B4GALNT1: variants seen among roughly 807,000 people sequenced by gnomAD.
B4GALNT1 encodes beta-1,4 N-acetylgalactosaminyltransferase 1.
Under a neutral mutation model 55.2 loss-of-function variants are expected in B4GALNT1, and 43 were observed. The ratio of observed to expected loss-of-function variants is 0.78; its 90% CI spans 0.61 to 1.00. The LOEUF (loss-of-function observed/expected upper bound fraction) is 1.00, where lower values mean the gene tolerates loss of function less well. Among genes scored for constraint, B4GALNT1 ranks in the 50% least tolerant of loss-of-function variants. The probability of loss-of-function intolerance (pLI) is 0.00; values close to 1 mark genes in which losing one functional copy is unlikely to be tolerated. For synonymous variants in B4GALNT1, 305 were observed against 311.6 expected (o/e 0.98, Z 0.22); for missense variants, 664 against 729.7 (o/e 0.91, Z 1.04).
intron 9 of B4GALNT1, 68 bp from the exon 10 acceptor site, chr12:57,627,926 G>A (rs1473780019): frequency 6.7e-7 from 1 of 1,482,956 alleles, no homozygotes; most frequent in Admixed American, 2.2e-5. Flanking sequence ...CAAGGTCTGC[G>A]CTCCGGTGCC....
At position 57,627,605 on chromosome 12, in the gene B4GALNT1, G is replaced by A. The variant is rs199661726; in HGVS notation, c.1384+13C>T. ...GCTCCTGCCAGGGTCGACCGGGAGG[G>A]GGTGCCACTCACCCAGATGAGCCAC... On this transcript the variant is annotated intron_variant, in intron 10 of 10. Coordinates refer to ENST00000341156, the MANE Select transcript of B4GALNT1 (RefSeq NM_001478.5). The A allele has an allele frequency of 2.5e-6, 4 of 1,572,772 alleles. No individual in the cohort carries two copies. The Admixed American group carries it at 5.2e-5, about 20-fold the overall frequency.
chr12:57,626,539 C>G lies in B4GALNT1; in HGVS notation c.*205G>C, dbSNP rs1322517255. The G allele has an allele frequency of 3.3e-6, 2 of 608,170 alleles. No individual in the cohort carries two copies. Among genetic ancestry groups the G allele is most frequent in the Non-Finnish European group, 5.8e-6 (2 of 346,500 alleles). 37.7% of individuals were successfully genotyped at this position (608,170 alleles called of 1,614,324 possible). On this transcript the variant is annotated 3_prime_UTR_variant, in exon 11 of 11. Transcript: ENST00000341156. ...ACTGGCTGTGGGAGAGGTTATGGCT[C>G]CACCAGGCCTCTGGGCACTGGAAAA...
chr12:57,630,053 C>T lies in B4GALNT1; in HGVS notation c.712+99G>A, dbSNP rs1271368217. 4 of 1,599,130 alleles carry T rather than the reference C, an allele frequency of 2.5e-6. No individual in the cohort carries two copies. In the Admixed American group the frequency reaches 6.9e-5, roughly 28 times the overall value. On this transcript the variant is annotated intron_variant, in intron 6 of 10. Transcript: ENST00000341156. The stretch of plus-strand genomic sequence containing the variant: ...TGTGGCTGGACAGCTCTGGCCATAG[C>T]CCAGATGCCTCCCATGCCCTCTGCC...
At chr12:57,628,028 T>C in intron 9 of B4GALNT1, 94 bp downstream of exon 9, 1 of 1,553,824 alleles carries the variant, frequency 6.4e-7, no homozygotes, top group African/African-American at 1.4e-5. Flanking sequence ...CTCTTTGTCC[T>C]AGGGCTGGCC....
chr12:57,625,163 TG>T lies in B4GALNT1; in HGVS notation c.*1580del. The T allele has an allele frequency of 2.5e-6, 4 of 1,613,914 alleles. No homozygotes were observed. The highest frequency in any genetic ancestry group is 3.4e-6 in the Non-Finnish European group (4 of 1,179,966). Reference sequence around the variant, plus strand: ...GATGGCCCAATGGTTGCAGGTGAGATGGGGTGACAAGAAGGAAGATTTGGGC... The same window carrying T: ...GATGGCCCAATGGTTGCAGGTGAGATGGGTGACAAGAAGGAAGATTTGGGC... On this transcript the variant is annotated 3_prime_UTR_variant, in exon 11 of 11. Coordinates refer to ENST00000341156, the MANE Select transcript of B4GALNT1 (RefSeq NM_001478.5).
chr12:57,631,978 G>C lies in B4GALNT1; in HGVS notation c.155C>G (p.Pro52Arg), dbSNP rs977760366. The C allele has an allele frequency of 1.4e-6, 2 of 1,456,502 alleles. No individual in the cohort carries two copies. The highest frequency in any genetic ancestry group is 1.5e-5 in the African/African-American group (1 of 68,942). The allele number at this position is 1,456,502 out of a possible 1,614,324, so 90.2% of individuals were successfully genotyped here. ...PPQSPRRPEL[P>R]DLAPEPRYAH... The stretch of plus-strand genomic sequence containing the variant: ...GTAGCGGGGCTCAGGAGCAAGATCT[G>C]GCAGCTCGGGCCTGCGGGGGCTTTG... The change falls in exon 2 of 11, where the codon CCA becomes CGA. Residue 52 changes from proline (P) to arginine (R), a missense_variant. Transcript: ENST00000341156.
chr12:57,627,531 G>A, intron 10 of B4GALNT1, 87 bp downstream of exon 10: 1 of 1,469,866 alleles, frequency 6.8e-7, no homozygotes, highest in African/African-American at 1.4e-5. Flanking sequence ...CTGGGCGCGG[G>A]TGCAGCCTAG....
chr12:57,625,668 G>A lies in B4GALNT1; in HGVS notation c.*1076C>T. On this transcript the variant is annotated 3_prime_UTR_variant, in exon 11 of 11. Coordinates refer to ENST00000341156, the MANE Select transcript of B4GALNT1 (RefSeq NM_001478.5). ...GTTTGTGAGTGTGCAGGATGCAGCT[G>A]CTTATGCCCTGGGGAGCCTGTTAAG... The A allele has an allele frequency of 1.3e-6, 2 of 1,586,280 alleles. No homozygotes were observed. The highest frequency in any genetic ancestry group is 8.6e-7 in the Non-Finnish European group (1 of 1,166,254).
chr12:57,628,219 G>A lies in B4GALNT1; in HGVS notation c.1046C>T (p.Thr349Ile). Residue 349 changes from threonine (T) to isoleucine (I), a missense_variant, in exon 9 of 11, where the codon ACC becomes ATC. Thr to Ile is a moderately conservative substitution (Grantham distance 89, BLOSUM62 -1). Transcript: ENST00000341156. Reference protein sequence around the residue: ...GRNLAVSQVTTKYVLWVDDDF... With the variant: ...GRNLAVSQVTIKYVLWVDDDF... The stretch of plus-strand genomic sequence containing the variant: ...GTCGTCCACCCACAGCACGTACTTG[G>A]TGGTTACTTGAGACACGGCCAGGTT... 1 of 1,614,274 alleles carries A rather than the reference G, an allele frequency of 6.2e-7. No individual in the cohort carries two copies. The highest frequency in any genetic ancestry group is 8.5e-7 in the Non-Finnish European group (1 of 1,180,046).
At position 57,628,190 on chromosome 12, in the gene B4GALNT1, A is replaced by C; in HGVS notation, c.1075T>G (p.Phe359Val). 1 of 1,614,274 alleles carries C rather than the reference A, an allele frequency of 6.2e-7. No individual in the cohort carries two copies. Among genetic ancestry groups the C allele is most frequent in the Non-Finnish European group, 8.5e-7 (1 of 1,180,044 alleles). Reference sequence around the variant, plus strand: ...AGCCGCGTCCGCGCCGTGAAGACGAAGTCGTCGTCCACCCACAGCACGTAC... The same window carrying C: ...AGCCGCGTCCGCGCCGTGAAGACGACGTCGTCGTCCACCCACAGCACGTAC... ...TKYVLWVDDD[F>V]VFTARTRLER... The change falls in exon 9 of 11, where the codon TTC becomes GTC. Residue 359 changes from phenylalanine (F) to valine (V), a missense_variant. Transcript: ENST00000341156.
Position 57,631,945 on chromosome 12 carries a change from A to G in B4GALNT1, c.188T>C (p.Ile63Thr). The G allele has an allele frequency of 6.9e-7, 1 of 1,447,322 alleles. No individual in the cohort carries two copies. The highest frequency in any genetic ancestry group is 9.1e-7 in the Non-Finnish European group (1 of 1,099,890). The allele number at this position is 1,447,322 out of a possible 1,614,324, so 89.7% of individuals were successfully genotyped here. A position where few individuals can be genotyped will look rare whatever the true frequency, so the allele number is the denominator to read the frequency against. The change falls in exon 2 of 11, where the codon ATC becomes ACC. Residue 63 changes from isoleucine (I) to threonine (T), a missense_variant. By Grantham distance (89) the Ile-to-Thr change is moderately conservative. Transcript: ENST00000341156. ...DLAPEPRYAH[I>T]PVRIKEQVVG... is the part of the protein sequence containing the mutation. ...TACTTGCTCCTTGATCCTGACCGGG[A>G]TGTGTGCGTAGCGGGGCTCAGGAGC... is the stretch of plus-strand genomic sequence containing the variant.
rs907866903 is a variant in B4GALNT1, at chr12:57,632,757, C to T, written c.-2+15G>A. On this transcript the variant is annotated intron_variant, in intron 1 of 10. Coordinates refer to ENST00000341156, the MANE Select transcript of B4GALNT1 (RefSeq NM_001478.5). ...CACCAACCAATCCCACCCCCACCCACCCCCGGGCACTGACCTGTCTAACGC... is the reference window on the plus strand; with the variant it reads ...CACCAACCAATCCCACCCCCACCCATCCCCGGGCACTGACCTGTCTAACGC... 5.8e-6 allele frequency: 1 copy of T among 173,372 alleles called. No homozygotes were observed. The highest frequency in any genetic ancestry group is 1.2e-5 in the Non-Finnish European group (1 of 81,728). The allele number at this position is 173,372 out of a possible 1,614,324, so 10.7% of individuals were successfully genotyped here.
chr12:57,623,770 G>T lies in B4GALNT1; in HGVS notation c.*2974C>A. 7.1e-7 allele frequency: 1 copy of T among 1,409,808 alleles called. No homozygotes were observed. Among genetic ancestry groups the T allele is most frequent in the South Asian group, 1.2e-5 (1 of 81,820 alleles). The allele number at this position is 1,409,808 out of a possible 1,614,324, so 87.3% of individuals were successfully genotyped here. On this transcript the variant is annotated 3_prime_UTR_variant, in exon 11 of 11. Transcript: ENST00000341156. ...GAAGATTAGGCAGAGTGGGCAGGAA[G>T]ACCAGCTCTCATGTGGGGGTGGGAG...
In B4GALNT1 at chr12:57,628,171, G is replaced by C. The variant is rs145474220; in HGVS notation, c.1094C>G (p.Thr365Arg). 8.1e-6 allele frequency: 13 copies of C among 1,614,124 alleles called. No individual in the cohort carries two copies. Among genetic ancestry groups the C allele is most frequent in the African/African-American group, 1.3e-5 (1 of 74,954 alleles). The change falls in exon 9 of 11, where the codon ACG becomes AGG. Residue 365 changes from threonine to arginine, a missense_variant. Thr to Arg is a moderately conservative substitution (Grantham distance 71). Transcript: ENST00000341156. ...CACGTCCACAAGCCTCTCCAGCCGCGTCCGCGCCGTGAAGACGAAGTCGTC... is the reference window on the plus strand; with the variant it reads ...CACGTCCACAAGCCTCTCCAGCCGCCTCCGCGCCGTGAAGACGAAGTCGTC... ...VDDDFVFTARTRLERLVDVLE... is the reference protein window; with the variant it reads ...VDDDFVFTARRRLERLVDVLE...
chr12:57,628,412 T>C (rs1182495592), intron 8 of B4GALNT1, 150 bp from the exon 9 acceptor site: 4 of 1,189,770 alleles, frequency 3.4e-6, no homozygotes, highest in Admixed American at 2.6e-5. Context: ...GTAAAAGAAA[T>C]GCAGATCCCC....
chr12:57,628,322 CCTTT>C, intron 8 of B4GALNT1, 60 bp from the exon 9 acceptor site: 19 of 1,603,382 alleles, frequency 1.2e-5, no homozygotes, highest in Non-Finnish European at 1.6e-5. Flanking sequence ...CCCTCTGCCA[CCTTT>C]CTTTCTCTCC....
chr12:57,628,541 G>T, intron 8 of B4GALNT1, 172 bp downstream of exon 8: 1 of 897,138 alleles, frequency 1.1e-6, no homozygotes, highest in Non-Finnish European at 1.7e-6. Flanking sequence ...TAAGAATTCA[G>T]AGAGAATTTC....
In B4GALNT1 at chr12:57,629,079, C is replaced by T; in HGVS notation, c.780G>A (p.Arg260=). The part of the protein sequence containing the change: ...TIRIRHPPNP[R]LYPPGSLPQG... ...GGGGTAGAGACCCAGGTGGGTACAG[C>T]CGAGGGTTGGGCGGGTGTCTTATGC... Residue 260 remains arginine (R), a synonymous_variant, in exon 7 of 11, where the codon CGG becomes CGA. Coordinates refer to ENST00000341156, the MANE Select transcript of B4GALNT1 (RefSeq NM_001478.5). 2 of 1,595,006 alleles carry T rather than the reference C, an allele frequency of 1.3e-6. No homozygotes were observed. The highest frequency in any genetic ancestry group is 1.7e-5 in the Admixed American group (1 of 59,068).
At chr12:57,627,045 G>A in intron 10 of B4GALNT1, 84 bp from the exon 11 acceptor site, 2 of 1,200,522 alleles carry the variant, frequency 1.7e-6, no homozygotes, top group Middle Eastern at 3.8e-4. Flanking sequence ...AATTTAGGGT[G>A]TGGAAAGTGT....
Sources: allele counts gnomAD v4.1 joint callset, GRCh38; gene constraint gnomAD v4.1.1; transcripts MANE v1.5; gene names NCBI Gene and HGNC (gene_info 2026-07-23, HGNC 2026-07-21).